Variants in SPATA6 observed in about 807,000 individuals in gnomAD.
SPATA6 encodes the protein spermatogenesis-associated protein 6.
A neutral mutation model predicts 65.3 loss-of-function variants in SPATA6; 56 were observed. The ratio of observed to expected loss-of-function variants is 0.86; its 90% CI spans 0.69 to 1.07. SPATA6 has a LOEUF of 1.07. SPATA6 is among the 50% of genes least tolerant of loss of function. The pLI, the probability that SPATA6 is intolerant of heterozygous loss-of-function variation, is 0.00. For synonymous variants in SPATA6, 199 were observed against 213.2 expected, an observed-to-expected ratio of 0.93 and a Z score of 0.58; for missense variants, 590 against 594.8, an observed-to-expected ratio of 0.99 and a Z score of 0.08.
intron 11 of SPATA6, among the ~76,000 whole-genome samples, chr1:48,351,461 G>T (rs527373837): frequency 2.0e-3 from 308 of 152,098 alleles, no homozygotes; most frequent in African/African-American, 7.0e-3. Context: ...TTCAACAGAT[G>T]CTCAAAGGAA....
intron 3 of SPATA6, among the ~76,000 whole-genome samples, chr1:48,425,043 T>C (rs1653708954): frequency 6.6e-6 from 1 of 152,188 alleles, no homozygotes; most frequent in African/African-American, 2.4e-5. Flanking sequence ...GCTTGAGGGG[T>C]AGTGCTCAAG....
At chr1:48,336,527 G>A (rs1209959461) in intron 11 of SPATA6, among the ~76,000 whole-genome samples, 1 of 151,892 alleles carries the variant, frequency 6.6e-6, no homozygotes, top group Non-Finnish European at 1.5e-5. Flanking sequence ...AGTAATGCAG[G>A]AACATAAAAC....
At position 48,403,845 on chromosome 1, in the gene SPATA6, A is replaced by T. The variant is rs752349562; in HGVS notation, c.443T>A (p.Val148Glu). The T allele has an allele frequency of 6.2e-7, 1 of 1,610,816 alleles. No individual in the cohort carries two copies. The highest frequency in any genetic ancestry group is 2.2e-5 in the East Asian group (1 of 44,694). Residue 148 changes from valine (V) to glutamate (E), a missense_variant, in exon 6 of 13, where the codon GTG (valine) becomes GAG (glutamate). Transcript: ENST00000371847. ...TGAACTTATCAGACATTCAGTAATC[A>T]CTGAAGTCGTAGAAAATTCCAGCCT... The part of the protein sequence containing the change: ...APRLEFSTTS[V>E]ITECLISSRK...
intron 11 of SPATA6, among the ~76,000 whole-genome samples, chr1:48,324,500 C>G (rs978697233): frequency 2.6e-5 from 4 of 151,994 alleles, no homozygotes; most frequent in Admixed American, 6.6e-5. Context: ...TTATCATGAC[C>G]AAGTGAGATT....
chr1:48,463,412 A>T (rs187648225), intron 1 of SPATA6, among the ~76,000 whole-genome samples: 291 of 152,256 alleles, frequency 1.9e-3, no homozygotes, highest in African/African-American at 6.4e-3. Context: ...GCATCTTGGA[A>T]TTAAAACAAA....
At chr1:48,360,983 A>T (rs1250371655) in intron 9 of SPATA6, among the ~76,000 whole-genome samples, 4 of 152,198 alleles carry the variant, frequency 2.6e-5, no homozygotes, top group Admixed American at 1.3e-4. Context: ...AGCATAGAAA[A>T]TTAAGATATT....
At chr1:48,381,324 A>G (rs547465258) in intron 9 of SPATA6, among the ~76,000 whole-genome samples, 135 of 152,318 alleles carry the variant, frequency 8.9e-4, no homozygotes, top group Admixed American at 2.6e-3. Context: ...AAAGAGATGC[A>G]TAAGAATCAC....
At chr1:48,330,429 A>T (rs919527106) in intron 11 of SPATA6, among the ~76,000 whole-genome samples, 1 of 152,110 alleles carries the variant, frequency 6.6e-6, no homozygotes, top group Non-Finnish European at 1.5e-5. Context: ...TGGATGGCAG[A>T]GCAAGAGATC....
chr1:48,386,642 G>C (rs61774376), intron 8 of SPATA6, among the ~76,000 whole-genome samples: 22 of 152,202 alleles, frequency 1.4e-4, no homozygotes, highest in Non-Finnish European at 2.8e-4. Context: ...GAAAGGGTAA[G>C]TGAGAGACTC....
the SPATA6 span, among the ~76,000 whole-genome samples, chr1:48,280,387 T>C: frequency 6.6e-6 from 1 of 152,236 alleles, no homozygotes; most frequent in East Asian, 1.9e-4. Context: ...AATTAGTGAA[T>C]ACAGGAGCTG....
chr1:48,263,586 TC>T, the SPATA6 span, among the ~76,000 whole-genome samples: 1 of 152,146 alleles, frequency 6.6e-6, no homozygotes, highest in East Asian at 1.9e-4. Flanking sequence ...TTTTCTCCTT[TC>T]CTACCTATTG....
At chr1:48,363,625 T>C (rs888922776) in intron 9 of SPATA6, among the ~76,000 whole-genome samples, 2 of 151,840 alleles carry the variant, frequency 1.3e-5, no homozygotes, top group Non-Finnish European at 2.9e-5. Context: ...ATGAAAAGAG[T>C]TTTTTTAATG....
chr1:48,381,183 G>A (rs1053882045), intron 9 of SPATA6, among the ~76,000 whole-genome samples: 4 of 152,080 alleles, frequency 2.6e-5, no homozygotes, highest in African/African-American at 9.7e-5. Context: ...TTCCTAACAG[G>A]CCACAGACAA....
At chr1:48,340,656 T>C (rs1360116137) in intron 11 of SPATA6, among the ~76,000 whole-genome samples, 2 of 151,734 alleles carry the variant, frequency 1.3e-5, no homozygotes, top group Non-Finnish European at 2.9e-5. Flanking sequence ...AAAAAAGAAA[T>C]ATAAACAGAT....
Position 48,411,443 on chromosome 1 carries a change from C to G in SPATA6, c.405+21G>C, listed in dbSNP as rs79081882. 5.0e-3 allele frequency: 7,970 copies of G among 1,594,124 alleles called. 183 individuals are homozygous for G. Among genetic ancestry groups the G allele is most frequent in the South Asian group, 0.047 (4,108 of 86,900 alleles). On this transcript the variant is annotated intron_variant, in intron 5 of 12. Coordinates refer to ENST00000371847, the MANE Select transcript of SPATA6 (RefSeq NM_019073.4). ...AATGATTTTCCATCAAAAACTGATT[C>G]AGAAAATTGCAAGCACTTACTCGAA...
chr1:48,462,467 T>TC (rs1405426656), intron 1 of SPATA6, among the ~76,000 whole-genome samples: 1 of 152,112 alleles, frequency 6.6e-6, no homozygotes, highest in Non-Finnish European at 1.5e-5. Context: ...AATCCACAGC[T>TC]CTATACATCA....
chr1:48,424,392 G>A (rs1191855568), intron 3 of SPATA6, among the ~76,000 whole-genome samples: 1 of 152,194 alleles, frequency 6.6e-6, no homozygotes, highest in Non-Finnish European at 1.5e-5. Flanking sequence ...TAATTCATCT[G>A]TTGATGGACG....
chr1:48,330,169 C>A (rs1645875171), intron 11 of SPATA6, among the ~76,000 whole-genome samples: 1 of 152,172 alleles, frequency 6.6e-6, no homozygotes, highest in South Asian at 2.1e-4. Context: ...CCCACCCCCA[C>A]CACTGGTAGC....
intron 11 of SPATA6, among the ~76,000 whole-genome samples, chr1:48,336,112 G>A (rs12129011): frequency 0.077 from 11,644 of 151,902 alleles, 590 homozygotes; most frequent in East Asian, 0.23. Context: ...AATGGCTATC[G>A]TTAAAAAGTC....
Sources: gnomAD v4.1 joint callset for allele counts (sites outside exome capture counted in the v4.1 genomes callset) on GRCh38, gnomAD v4.1.1 for gene constraint, MANE v1.5 for transcripts, NCBI Gene and HGNC (gene_info 2026-07-23, HGNC 2026-07-21) for gene names.